Variants in RHOC observed in about 807,000 individuals in gnomAD.
RHOC encodes the protein rho-related GTP-binding protein RhoC.
RHOC carries 13 observed loss-of-function variants against 19.5 expected under a neutral mutation model. That is an observed-to-expected ratio of 0.67 (90% confidence interval 0.43 to 1.06). The LOEUF is 1.06. Ranked by LOEUF, RHOC falls within the 50% of genes least tolerant of loss-of-function variation. The probability of loss-of-function intolerance (pLI) is 0.00; values close to 1 mark genes in which losing one functional copy is unlikely to be tolerated. For missense variants in RHOC, 173 were observed against 256.9 expected (o/e 0.67, Z 2.23); for synonymous variants, 106 against 97.3 (o/e 1.09, Z -0.52).
At position 112,706,465 on chromosome 1, in the gene RHOC, CA is replaced by C. The variant is rs1557780639; in HGVS notation, c.-77+612del. Among the ~76,000 whole-genome samples, 5 of 4,754 alleles carry C rather than the reference CA, an allele frequency of 1.1e-3. 1 individual carries two copies. Among genetic ancestry groups the C allele is most frequent in the Admixed American group, 1.9e-3 (1 of 536 alleles). The allele number at this position is 4,754 out of a possible 152,430, so 3.1% of individuals were successfully genotyped here. ...CACACACACACACACACACACACACCACACACACACACACACACACACACAC... is the reference window on the plus strand; with the variant it reads ...CACACACACACACACACACACACACCCACACACACACACACACACACACAC... On this transcript the variant is annotated intron_variant, in intron 1 of 5. Transcript: ENST00000339083.
At position 112,701,702 on chromosome 1, in the gene RHOC, C is replaced by T. The variant is rs765618088; in HGVS notation, c.420G>A (p.Arg140=). Residue 140 remains arginine, a synonymous_variant, in exon 6 of 6, where the codon CGG becomes CGA. Coordinates refer to ENST00000339083, the MANE Select transcript of RHOC (RefSeq NM_175744.5). The stretch of plus-strand genomic sequence containing the variant: ...TCGCCATGTCCCGGCCTTCCTCAGA[C>T]CGAACGGGCTCCTGAGAAGACATAA... ...ELAKMKQEPV[R]SEEGRDMANR... is the part of the protein sequence containing the mutation. 1 of 1,613,914 alleles carries T rather than the reference C, an allele frequency of 6.2e-7. No homozygotes were observed. Among genetic ancestry groups the T allele is most frequent in the South Asian group, 1.1e-5 (1 of 91,086 alleles).
intron 3 of RHOC, 168 bp from the exon 4 acceptor site, chr1:112,703,287 G>C (rs549155664): frequency 1.1e-5 from 9 of 807,786 alleles, no homozygotes; most frequent in African/African-American, 8.5e-5. Flanking sequence ...AGGTCAGTTT[G>C]TTAAAGAAAT....
intron 2 of RHOC, among the ~76,000 whole-genome samples, chr1:112,704,007 C>T (rs920662443): frequency 3.3e-5 from 5 of 152,136 alleles, no homozygotes; most frequent in African/African-American, 4.8e-5. Context: ...AGGTCTCCCT[C>T]GATGGGTTAG....
At chr1:112,701,781 T>C (rs1212907035) in intron 5 of RHOC, 68 bp from the exon 6 acceptor site, 1 of 1,539,078 alleles carries the variant, frequency 6.5e-7, no homozygotes, top group African/African-American at 1.4e-5. Flanking sequence ...GCCTCACCCA[T>C]AAGTGTAGCA....
chr1:112,701,386 A>ACCTC lies in RHOC; in HGVS notation c.*153_*154insGAGG. 6.5e-7 allele frequency: 1 copy of ACCTC among 1,542,966 alleles called. No homozygotes were observed. The highest frequency in any genetic ancestry group is 8.8e-7 in the Non-Finnish European group (1 of 1,142,178). On this transcript the variant is annotated 3_prime_UTR_variant, in exon 6 of 6. Coordinates refer to ENST00000339083, the MANE Select transcript of RHOC (RefSeq NM_175744.5). ...AGCGCTGGGAGGGAGGGCCCGTGCC[A>ACCTC]CCACCTCGGGGCTAGAAAACAATGC...
chr1:112,702,501 G>A (rs74516318), intron 5 of RHOC, 62 bp downstream of exon 5: 30 of 1,575,256 alleles, frequency 1.9e-5, no homozygotes, highest in South Asian at 1.2e-4. Context: ...CCCTTTGCCC[G>A]TCTGCAACCC....
At chr1:112,704,836 AG>A in intron 2 of RHOC, 1 of 514,122 alleles carries the variant, frequency 1.9e-6, no homozygotes. Context: ...ACCACACTGT[AG>A]GGAGCCACAC....
chr1:112,706,849 C>T (rs1443014779), intron 1 of RHOC: 1 of 152,040 alleles, frequency 6.6e-6, no homozygotes, highest in Non-Finnish European at 1.5e-5. Context: ...AGGCCAGAGC[C>T]CCTGCCGGCA....
chr1:112,705,474 A>C lies in RHOC; in HGVS notation c.-76-306T>G, dbSNP rs1431426318. On this transcript the variant is annotated intron_variant, in intron 1 of 5. Transcript: ENST00000339083. ...TGGCCCTTCCCTTGCCTCCAGACAC[A>C]TTCACAAAACTGTTGGTTTTGTGGA... 4 of 569,430 alleles carry C rather than the reference A, an allele frequency of 7.0e-6. No homozygotes were observed. The East Asian group carries it at 1.1e-4, about 15-fold the overall frequency. The allele number at this position is 569,430 out of a possible 1,614,324, so 35.3% of individuals were successfully genotyped here.
In RHOC at chr1:112,705,371, C is replaced by T. The variant is rs188442539; in HGVS notation, c.-76-203G>A. ...GACTGAACGCCTCTACTCCCCACAC[C>T]CCACCACCACCTCACACTGCCCTTT... On this transcript the variant is annotated intron_variant, in intron 1 of 5. Transcript: ENST00000339083. 8.5e-4 allele frequency: 519 copies of T among 612,620 alleles called. 6 individuals are homozygous for T. The highest frequency in any genetic ancestry group is 5.4e-3 in the African/African-American group (293 of 54,480). The allele number at this position is 612,620 out of a possible 1,614,324, so 37.9% of individuals were successfully genotyped here. A position where few individuals can be genotyped will look rare whatever the true frequency, so the allele number is the denominator to read the frequency against.
intron 3 of RHOC, 99 bp downstream of exon 3, chr1:112,703,545 G>T: frequency 9.8e-7 from 1 of 1,015,270 alleles, no homozygotes; most frequent in Non-Finnish European, 1.5e-6. Flanking sequence ...GGAGAATGAA[G>T]CAAAGACAGG....
At chr1:112,703,250 A>G (rs1674720213) in intron 3 of RHOC, 131 bp from the exon 4 acceptor site, 3 of 972,272 alleles carry the variant, frequency 3.1e-6, no homozygotes, top group South Asian at 1.6e-5. Context: ...CAGGCATTAT[A>G]TTAATCACTG....
At chr1:112,702,160 G>A (rs1674667445) in intron 5 of RHOC, among the ~76,000 whole-genome samples, 1 of 152,126 alleles carries the variant, frequency 6.6e-6, no homozygotes, top group Non-Finnish European at 1.5e-5. Flanking sequence ...GAATAAGCCA[G>A]CTCTCACATC....
At chr1:112,706,495 CA>C (rs796429454) in intron 1 of RHOC, among the ~76,000 whole-genome samples, 1,522 of 36,722 alleles carry the variant, frequency 0.041, 138 homozygotes, top group Non-Finnish European at 0.059. Flanking sequence ...CACACACACA[CA>C]CACACACACA....
In RHOC at chr1:112,706,451, A is replaced by ACACACACACACACACACACAC. The variant is rs1557780474; in HGVS notation, c.-77+626_-77+627insGTGTGTGTGTGTGTGTGTGTG. ...TCTCTACACACACACACACACACACACACACACACACACCACACACACACA... is the reference window on the plus strand; with the variant it reads ...TCTCTACACACACACACACACACACACACACACACACACACACACACCACACACACACACCACACACACACA... On this transcript the variant is annotated intron_variant, in intron 1 of 5. Transcript: ENST00000339083. 5.9e-4 allele frequency among the ~76,000 whole-genome samples: 14 copies of ACACACACACACACACACACAC among 23,608 alleles called. 1 individual carries two copies. Among genetic ancestry groups the ACACACACACACACACACACAC allele is most frequent in the African/African-American group, 1.5e-3 (13 of 8,718 alleles). 15.5% of individuals were successfully genotyped at this position (23,608 alleles called of 152,430 possible).
Position 112,703,716 on chromosome 1 carries a change from A to G in RHOC, c.84T>C (p.Asp28=). The G allele has an allele frequency of 1.2e-6, 2 of 1,613,590 alleles. No homozygotes were observed. Among genetic ancestry groups the G allele is most frequent in the Non-Finnish European group, 1.7e-6 (2 of 1,179,878 alleles). The change falls in exon 3 of 6, where the codon GAT becomes GAC. Residue 28 remains aspartate (D), a synonymous_variant. Transcript: ENST00000339083. ...TAGGGACGTAGACCTCCGGAAACTG[A>G]TCCTTGCTGAAGACGATGAGGAGGC... ...KTCLLIVFSK[D]QFPEVYVPTV...
chr1:112,706,482 A>ACCCCCCCACAC (rs776494527), intron 1 of RHOC, among the ~76,000 whole-genome samples: 2 of 19,034 alleles, frequency 1.1e-4, no homozygotes, highest in African/African-American at 5.1e-4. Context: ...ACACACACAC[A>ACCCCCCCACAC]CACACACACA....
chr1:112,706,145 CT>C, intron 1 of RHOC: 1 of 164,848 alleles, frequency 6.1e-6, no homozygotes, highest in Non-Finnish European at 1.3e-5. Context: ...CTTCTGGGGC[CT>C]TCCCCAAGAC....
At position 112,701,595 on chromosome 1, in the gene RHOC, CG is replaced by C; in HGVS notation, c.526del (p.Arg176GlyfsTer45). ...GTTCTTGCGGACCTGGAGGCCAGCC[CG>C]AGTGGCCATCTCAAACACCTCCCGC... is the stretch of plus-strand genomic sequence containing the variant. The part of the protein sequence containing the change: ...GVREVFEMAT[R>X]AGLQVRKNKR... On this transcript the variant is annotated frameshift_variant, in exon 6 of 6. Coordinates refer to ENST00000339083, the MANE Select transcript of RHOC (RefSeq NM_175744.5). LOFTEE classifies it high-confidence loss of function. 6.2e-7 allele frequency: 1 copy of C among 1,614,054 alleles called. No individual in the cohort carries two copies. The highest frequency in any genetic ancestry group is 8.5e-7 in the Non-Finnish European group (1 of 1,179,974).
Sources: gnomAD v4.1 joint callset for allele counts (sites outside exome capture counted in the v4.1 genomes callset) on GRCh38, gnomAD v4.1.1 for gene constraint, MANE v1.5 for transcripts, NCBI Gene and HGNC (gene_info 2026-07-23, HGNC 2026-07-21) for gene names.